The following ANKH variants were observed in gnomAD, a reference collection of about 807,000 sequenced individuals.
The protein encoded by ANKH is mineralization regulator ANKH.
In ANKH, 15 loss-of-function variants were observed where a neutral mutation model predicts 49.0. The observed-to-expected ratio is 0.31, with a 90% CI of 0.20 to 0.47. The LOEUF (loss-of-function observed/expected upper bound fraction) is 0.47. ANKH is among the 20% of genes least tolerant of loss of function. The pLI is 1.00. For synonymous variants in ANKH, 273 were observed against 260.0 expected, an observed-to-expected ratio of 1.05 and a Z score of -0.48; for missense variants, 429 against 652.0, an observed-to-expected ratio of 0.66 and a Z score of 3.72.
At chr5:14,757,432 T>TATA (rs1320876753) in intron 3 of ANKH, among the ~76,000 whole-genome samples, 14,307 of 106,568 alleles carry the variant, frequency 0.13, 646 homozygotes, top group Non-Finnish European at 0.17. Flanking sequence ...ATATATATAT[T>TATA]TTTTTTTTTT....
chr5:14,740,117 A>G (rs1477567076), intron 8 of ANKH, among the ~76,000 whole-genome samples: 3 of 152,172 alleles, frequency 2.0e-5, no homozygotes, highest in Non-Finnish European at 4.4e-5. Context: ...AAGATGTTAA[A>G]CAGTATGAAA....
At chr5:14,721,873 T>C (rs1294525247) in intron 8 of ANKH, among the ~76,000 whole-genome samples, 2 of 129,016 alleles carry the variant, frequency 1.6e-5, no homozygotes, top group African/African-American at 3.0e-5. Context: ...GAGCTTGCAG[T>C]GAGCTGAGAT....
chr5:14,802,746 C>A (rs1344584477), intron 1 of ANKH, among the ~76,000 whole-genome samples: 2 of 152,078 alleles, frequency 1.3e-5, no homozygotes, highest in African/African-American at 4.8e-5. Flanking sequence ...TCCTACACAT[C>A]CCTCGTCTCA....
At chr5:14,821,188 T>C (rs1216358617) in intron 1 of ANKH, among the ~76,000 whole-genome samples, 1 of 152,234 alleles carries the variant, frequency 6.6e-6, no homozygotes, top group Non-Finnish European at 1.5e-5. Flanking sequence ...ATGTGTGAGT[T>C]TGTAGATACA....
At chr5:14,802,303 C>T (rs1740588670) in intron 1 of ANKH, among the ~76,000 whole-genome samples, 1 of 151,992 alleles carries the variant, frequency 6.6e-6, no homozygotes, top group Non-Finnish European at 1.5e-5. Flanking sequence ...TCTCTCTCCC[C>T]TATTCCTCCA....
intron 1 of ANKH, among the ~76,000 whole-genome samples, chr5:14,845,843 CTTTT>C (rs59264153): frequency 1.2e-5 from 1 of 82,560 alleles, no homozygotes; most frequent in South Asian, 3.6e-4. Flanking sequence ...CCTATGCACA[CTTTT>C]TTTTTTTTTT....
chr5:14,831,147 G>A (rs1741493688), intron 1 of ANKH, among the ~76,000 whole-genome samples: 3 of 152,176 alleles, frequency 2.0e-5, no homozygotes, highest in African/African-American at 7.2e-5. Context: ...TACTGAGTGG[G>A]ACTGTGGTGT....
intron 1 of ANKH, among the ~76,000 whole-genome samples, chr5:14,844,869 C>T (rs547467411): frequency 9.8e-5 from 15 of 152,310 alleles, no homozygotes; most frequent in African/African-American, 3.4e-4. Context: ...TCTCAGAGAA[C>T]TCCCAAGTTT....
chr5:14,744,726 T>C (rs1738475156), intron 7 of ANKH, among the ~76,000 whole-genome samples: 1 of 152,188 alleles, frequency 6.6e-6, no homozygotes, highest in Non-Finnish European at 1.5e-5. Flanking sequence ...GGCCAGGCTG[T>C]AAGGTGTGGT....
At chr5:14,865,547 G>A (rs561691461) in intron 1 of ANKH, among the ~76,000 whole-genome samples, 103 of 152,264 alleles carry the variant, frequency 6.8e-4, no homozygotes, top group East Asian at 1.4e-3. Context: ...AAGCACTTTA[G>A]GAAGTGGATC....
In ANKH at chr5:14,710,399, C is replaced by G. The variant is rs900075155; in HGVS notation, c.*798G>C. Reference sequence around the variant, plus strand: ...CGGCAGGGTCTGGAATCTGGAGATGCGCTTTTGTGACAATTTAAAAAAGTT... The same window carrying G: ...CGGCAGGGTCTGGAATCTGGAGATGGGCTTTTGTGACAATTTAAAAAAGTT... On this transcript the variant is annotated 3_prime_UTR_variant, in exon 12 of 12. Coordinates refer to ENST00000284268, the MANE Select transcript of ANKH (RefSeq NM_054027.6). 2 of 152,228 alleles carry G rather than the reference C, an allele frequency of 1.3e-5. No individual in the cohort carries two copies. Among genetic ancestry groups the G allele is most frequent in the African/African-American group, 4.8e-5 (2 of 41,454 alleles). 9.4% of individuals were successfully genotyped at this position (152,228 alleles called of 1,614,324 possible).
chr5:14,832,964 C>A (rs1327442818), intron 1 of ANKH, among the ~76,000 whole-genome samples: 1 of 152,222 alleles, frequency 6.6e-6, no homozygotes, highest in Non-Finnish European at 1.5e-5. Flanking sequence ...TAGCTAGTCA[C>A]AACTGAATGC....
At chr5:14,718,355 T>C (rs975224762) in intron 8 of ANKH, among the ~76,000 whole-genome samples, 1 of 151,336 alleles carries the variant, frequency 6.6e-6, no homozygotes, top group South Asian at 2.1e-4. Context: ...AGGCCTCCAA[T>C]GTGAGGAGGT....
intron 8 of ANKH, among the ~76,000 whole-genome samples, chr5:14,719,110 G>A (rs1737583399): frequency 6.6e-6 from 1 of 152,176 alleles, no homozygotes; most frequent in Admixed American, 6.5e-5. Context: ...CATGGGAAAA[G>A]CCCCATCAGG....
At chr5:14,768,924 G>A (rs1369054338) in intron 2 of ANKH, 51 bp downstream of exon 2, 1 of 1,542,142 alleles carries the variant, frequency 6.5e-7, no homozygotes, top group South Asian at 1.1e-5. Context: ...CAATGAAAAG[G>A]AATAAGAAAT....
At chr5:14,818,131 A>C (rs909985399) in intron 1 of ANKH, among the ~76,000 whole-genome samples, 1 of 150,280 alleles carries the variant, frequency 6.7e-6, no homozygotes, top group Admixed American at 6.6e-5. Flanking sequence ...TTATCTCATT[A>C]GTCTACCCAT....
chr5:14,772,335 A>T (rs1256764294), intron 1 of ANKH, among the ~76,000 whole-genome samples: 2 of 152,242 alleles, frequency 1.3e-5, no homozygotes, highest in Non-Finnish European at 1.5e-5. Context: ...GAAAATATCA[A>T]TGTGAAATAT....
intron 8 of ANKH, among the ~76,000 whole-genome samples, chr5:14,733,685 G>A (rs546446806): frequency 6.6e-6 from 1 of 152,140 alleles, no homozygotes; most frequent in African/African-American, 2.4e-5. Flanking sequence ...CATTTACATG[G>A]GCTTTGCTGG....
At chr5:14,711,459 C>T in intron 11 of ANKH, 149 bp from the exon 12 acceptor site, 2 of 678,388 alleles carry the variant, frequency 2.9e-6, no homozygotes, top group South Asian at 3.4e-5. Flanking sequence ...ACCTCTTTTG[C>T]ATCTTAGCTC....
Sources: allele counts gnomAD v4.1 joint callset (sites outside exome capture counted in the v4.1 genomes callset), GRCh38; gene constraint gnomAD v4.1.1; transcripts MANE v1.5; gene names NCBI Gene and HGNC (gene_info 2026-07-23, HGNC 2026-07-21).